The following ACOX3 variants were observed in gnomAD, a reference collection of about 807,000 sequenced individuals.
The protein encoded by ACOX3 is acyl-CoA oxidase 3, pristanoyl.
ACOX3 carries 73 observed loss-of-function variants against 81.5 expected under a neutral mutation model. That is an observed-to-expected ratio of 0.90 (90% CI 0.74 to 1.09). The LOEUF is 1.09. ACOX3 is among the 50% of genes least tolerant of loss of function. ACOX3 has a pLI of 0.00. For missense variants in ACOX3, 947 were observed against 928.0 expected (o/e 1.02, Z -0.27); for synonymous variants, 387 against 375.1 (o/e 1.03, Z -0.37).
Position 8,414,918 on chromosome 4 carries a change from G to T in ACOX3, c.389C>A (p.Ser130Ter). ...KYLLHSLVFG[S>*]AVYSSGSERH... ...TTCAGAACCAGAACTGTAAACTGCT[G>T]ATCCAAAAACCTGAAAGTATAACAT... is the stretch of plus-strand genomic sequence containing the variant. Residue 130 changes from serine (S) to a stop codon, truncating the protein, a stop_gained, in exon 4 of 18, where the codon TCA (serine) becomes TAA (stop). Transcript: ENST00000356406. LOFTEE classifies it high-confidence loss of function. This position sits in a 1 kb window ranked among gnomAD's most constrained non-coding sequence, Gnocchi z 6.1. 6.2e-7 allele frequency: 1 copy of T among 1,614,186 alleles called. No homozygotes were observed. Among genetic ancestry groups the T allele is most frequent in the Non-Finnish European group, 8.5e-7 (1 of 1,180,020 alleles).
At chr4:8,365,284 G>A (rs756214467), downstream of ACOX3, among the ~76,000 whole-genome samples, 9 of 152,320 alleles carry the variant, frequency 5.9e-5, no homozygotes, top group Middle Eastern at 3.4e-3. Flanking sequence ...AATTCGCAAG[G>A]GCCTGAGCAC....
chr4:8,361,493 C>T (rs1049731587), downstream of ACOX3, among the ~76,000 whole-genome samples: 10 of 132,408 alleles, frequency 7.6e-5, no homozygotes, highest in East Asian at 4.5e-4. Context: ...TGAAGGTTTA[C>T]GCAAGTTGTG....
intron 17 of ACOX3, among the ~76,000 whole-genome samples, chr4:8,369,246 C>T (rs1472960986): frequency 6.6e-6 from 1 of 152,134 alleles, no homozygotes; most frequent in African/African-American, 2.4e-5. Context: ...AGTGTCCCTT[C>T]GAATGCCTGT....
At position 8,393,240 on chromosome 4, in the gene ACOX3, CTT is replaced by C. The variant is rs914386016; in HGVS notation, c.1180-789_1180-788del. On this transcript the variant is annotated intron_variant, in intron 10 of 17. Transcript: ENST00000356406. ...GTGGCTCACGCCTATAATGCCAGCA[CTT>C]TGAGAGGCCGAGGCGGGCAGATCAG... is the stretch of plus-strand genomic sequence containing the variant. 36 of 152,024 alleles carry C rather than the reference CTT, an allele frequency of 2.4e-4. 2 individuals carry two copies. Among genetic ancestry groups the C allele is most frequent in the African/African-American group, 8.7e-4 (36 of 41,408 alleles). The allele number at this position is 152,024 out of a possible 1,614,324, so 9.4% of individuals were successfully genotyped here. A position where few individuals can be genotyped will look rare whatever the true frequency, so the allele number is the denominator to read the frequency against.
chr4:8,390,450 C>A (rs1375216164), intron 11 of ACOX3, among the ~76,000 whole-genome samples: 3 of 152,344 alleles, frequency 2.0e-5, no homozygotes, highest in East Asian at 1.9e-4. Context: ...CCTGCAGAGC[C>A]TCCCCTGGCA....
At position 8,392,453 on chromosome 4, in the gene ACOX3, C is replaced by A; in HGVS notation, c.1180G>T (p.Ala394Ser). 2.5e-6 allele frequency: 4 copies of A among 1,570,878 alleles called. No individual in the cohort carries two copies. The highest frequency in any genetic ancestry group is 2.6e-6 in the Non-Finnish European group (3 of 1,161,870). ...LASGDRSARQ[A>S]ELGREIHALA... ...GCGTGGATCTCACGTCCAAGCTCTG[C>A]CTTTGGGTGAGGGAATCCAACAAGA... Residue 394 changes from alanine to serine, a missense_variant and splice_region_variant, in exon 11 of 18, where the codon GCA becomes TCA. Physicochemically the swap from Ala to Ser is moderately conservative, Grantham distance 99. Transcript: ENST00000356406.
intron 6 of ACOX3, among the ~76,000 whole-genome samples, chr4:8,409,559 G>GA (rs1721449010): frequency 6.9e-6 from 1 of 144,652 alleles, no homozygotes; most frequent in African/African-American, 2.6e-5. Context: ...AGGGCTGTGG[G>GA]ATACACTTTG....
downstream of ACOX3, among the ~76,000 whole-genome samples, chr4:8,363,881 A>G (rs1293413167): frequency 1.3e-5 from 2 of 152,188 alleles, no homozygotes; most frequent in Admixed American, 6.5e-5. Flanking sequence ...AAGTTACCCT[A>G]CAAGGTCTAA....
At chr4:8,391,199 A>T (rs757652743) in intron 11 of ACOX3, among the ~76,000 whole-genome samples, 5 of 152,234 alleles carry the variant, frequency 3.3e-5, no homozygotes, top group Non-Finnish European at 7.3e-5. Context: ...TGCGCAGAGG[A>T]CAAAGCATGC....
intron 5 of ACOX3, among the ~76,000 whole-genome samples, chr4:8,411,114 C>A (rs186440869): frequency 3.2e-4 from 49 of 152,298 alleles, no homozygotes; most frequent in African/African-American, 1.2e-3. Flanking sequence ...AGGATGCGGA[C>A]CAGCAGTGCT....
At chr4:8,369,869 C>G (rs1207048917) in intron 17 of ACOX3, among the ~76,000 whole-genome samples, 1 of 152,230 alleles carries the variant, frequency 6.6e-6, no homozygotes, top group Non-Finnish European at 1.5e-5. Context: ...CCCTCTGTGA[C>G]TCACAGCCAG....
In ACOX3 at chr4:8,368,700, C is replaced by T. The variant is rs1715776065; in HGVS notation, c.1984-1620G>A. Reference sequence around the variant, plus strand: ...CTCACCTGGCAGCTCCTGGTTAATACACCAGTTCCTTGCAACTGGAAGGAA... The same window carrying T: ...CTCACCTGGCAGCTCCTGGTTAATATACCAGTTCCTTGCAACTGGAAGGAA... On this transcript the variant is annotated intron_variant, in intron 17 of 17. Transcript: ENST00000356406. The surrounding 1 kb of genome is among the most constrained non-coding windows in gnomAD (Gnocchi z 5.9). Among the ~76,000 whole-genome samples, 1 of 151,786 alleles carries T rather than the reference C, an allele frequency of 6.6e-6. No individual in the cohort carries two copies. The highest frequency in any genetic ancestry group is 1.5e-5 in the Non-Finnish European group (1 of 67,998).
downstream of ACOX3, among the ~76,000 whole-genome samples, chr4:8,364,571 T>A (rs923984536): frequency 2.6e-5 from 4 of 151,544 alleles, no homozygotes; most frequent in Non-Finnish European, 5.9e-5. The surrounding 1 kb of genome is among the most constrained non-coding windows in gnomAD (Gnocchi z 5.0). Context: ...GGTGACATCA[T>A]GGCCACAGGC....
At chr4:8,365,751 T>TG (rs56860847), downstream of ACOX3, among the ~76,000 whole-genome samples, 16 of 151,976 alleles carry the variant, frequency 1.1e-4, no homozygotes, top group African/African-American at 1.4e-4. Context: ...TGGGATGTGG[T>TG]GGGGGGGTGG....
In ACOX3 at chr4:8,381,891, C is replaced by A. The variant is rs780315226; in HGVS notation, c.1538-284G>T. Among the ~76,000 whole-genome samples, 77 of 152,368 alleles carry A rather than the reference C, an allele frequency of 5.1e-4. No individual in the cohort carries two copies. The highest frequency in any genetic ancestry group is 1.4e-3 in the Admixed American group (22 of 15,306). On this transcript the variant is annotated intron_variant, in intron 13 of 17. Coordinates refer to ENST00000356406, the MANE Select transcript of ACOX3 (RefSeq NM_003501.3). The surrounding 1 kb of genome is among the most constrained non-coding windows in gnomAD (Gnocchi z 4.3). Reference sequence around the variant, plus strand: ...GCCTGGAGGCCACAGGAACACGGTGCCGCCGCTAGAGTGGGCCCCCGAGTG... The same window carrying A: ...GCCTGGAGGCCACAGGAACACGGTGACGCCGCTAGAGTGGGCCCCCGAGTG...
At chr4:8,435,076 A>G (rs1724149495) in intron 1 of ACOX3, among the ~76,000 whole-genome samples, 1 of 152,260 alleles carries the variant, frequency 6.6e-6, no homozygotes, top group Admixed American at 6.5e-5. Context: ...AAATAAAAGG[A>G]AAGTCATCTA....
At chr4:8,404,753 C>G (rs1720748762) in intron 7 of ACOX3, among the ~76,000 whole-genome samples, 1 of 152,338 alleles carries the variant, frequency 6.6e-6, no homozygotes, top group African/African-American at 2.4e-5. Context: ...GCAGGCTCCT[C>G]TCCTCTCCAC....
intron 7 of ACOX3, among the ~76,000 whole-genome samples, chr4:8,403,269 T>C (rs909226801): frequency 6.6e-6 from 1 of 152,228 alleles, no homozygotes; most frequent in Non-Finnish European, 1.5e-5. Context: ...TAAATTATAA[T>C]GCTGATCTTG....
At chr4:8,429,208 C>T (rs1389538993) in intron 1 of ACOX3, among the ~76,000 whole-genome samples, 11 of 152,170 alleles carry the variant, frequency 7.2e-5, no homozygotes, top group African/African-American at 2.4e-5. Context: ...TTAGAGAAAA[C>T]GCCACTCTTT....
Sources: gnomAD v4.1 joint callset for allele counts (sites outside exome capture counted in the v4.1 genomes callset) on GRCh38, gnomAD v4.1.1 for gene constraint, Gnocchi (gnomAD v3.1) non-coding constraint, MANE v1.5 for transcripts, NCBI Gene and HGNC (gene_info 2026-07-23, HGNC 2026-07-21) for gene names.